GAREM1: variants seen among roughly 807,000 people sequenced by gnomAD.
GAREM1 encodes GRB2-associated and regulator of MAPK protein 1.
GAREM1 carries 26 observed loss-of-function variants against 71.3 expected under a neutral mutation model. The ratio of observed to expected loss-of-function variants is 0.36; its 90% CI spans 0.27 to 0.51. The LOEUF is 0.51. GAREM1 is among the 20% of genes least tolerant of loss of function. GAREM1 has a pLI of 0.95. For missense variants in GAREM1, 1,026 were observed against 1,103.1 expected (o/e 0.93, Z 0.99); for synonymous variants, 440 against 433.2 (o/e 1.02, Z -0.20).
At chr18:32,457,226 A>AGAGAGT (rs1555648709) in intron 1 of GAREM1, among the ~76,000 whole-genome samples, 48 of 81,978 alleles carry the variant, frequency 5.9e-4, no homozygotes, top group African/African-American at 1.9e-3. Flanking sequence ...AGAGAGAGAG[A>AGAGAGT]GTGTGTGTGT....
At chr18:32,360,497 T>C (rs2047855312) in intron 2 of GAREM1, among the ~76,000 whole-genome samples, 1 of 152,098 alleles carries the variant, frequency 6.6e-6, no homozygotes, top group African/African-American at 2.4e-5. Flanking sequence ...CGTGGTCACC[T>C]GGGAAGCCTA....
intron 4 of GAREM1, among the ~76,000 whole-genome samples, chr18:32,277,672 T>C (rs920547721): frequency 2.6e-5 from 4 of 152,224 alleles, no homozygotes; most frequent in African/African-American, 9.6e-5. Flanking sequence ...TCCTGAGTCC[T>C]GGAATAGACA....
At chr18:32,460,510 TG>T (rs1483579373) in intron 1 of GAREM1, among the ~76,000 whole-genome samples, 9 of 152,202 alleles carry the variant, frequency 5.9e-5, no homozygotes, top group Non-Finnish European at 1.3e-4. Flanking sequence ...GAAAGGAGCT[TG>T]GGAACACTGT....
intron 2 of GAREM1, among the ~76,000 whole-genome samples, chr18:32,311,787 C>T (rs1001044675): frequency 1.3e-5 from 2 of 152,216 alleles, no homozygotes; most frequent in Non-Finnish European, 2.9e-5. Flanking sequence ...CTGTATATGC[C>T]TTTTAAGGAG....
At chr18:32,384,182 G>A (rs2048123248) in intron 2 of GAREM1, among the ~76,000 whole-genome samples, 1 of 152,178 alleles carries the variant, frequency 6.6e-6, no homozygotes, top group Non-Finnish European at 1.5e-5. Context: ...ACAGCTGGGA[G>A]CAATCAGGTT....
chr18:32,350,534 C>G (rs1567974966), intron 2 of GAREM1, among the ~76,000 whole-genome samples: 1 of 152,076 alleles, frequency 6.6e-6, no homozygotes, highest in Non-Finnish European at 1.5e-5. Context: ...CATTTCTACT[C>G]AAACTTATGA....
chr18:32,456,834 A>C (rs2048894379), intron 1 of GAREM1, among the ~76,000 whole-genome samples: 1 of 152,144 alleles, frequency 6.6e-6, no homozygotes, highest in African/African-American at 2.4e-5. Context: ...GTATTTTCAC[A>C]TCACGGAATA....
chr18:32,350,930 T>G (rs540837674), intron 2 of GAREM1, among the ~76,000 whole-genome samples: 1 of 152,302 alleles, frequency 6.6e-6, no homozygotes, highest in African/African-American at 2.4e-5. Context: ...ATACAGTATG[T>G]TTTTAAATGG....
Position 32,310,291 on chromosome 18 carries a change from T to C in GAREM1, c.295A>G (p.Ile99Val), listed in dbSNP as rs1343464484. Residue 99 changes from isoleucine (I) to valine (V), a missense_variant, in exon 3 of 6, where the codon ATA (isoleucine) becomes GTA (valine). Physicochemically the swap from Ile to Val is conservative, Grantham distance 29 (BLOSUM62 3). Around this residue, in one of 3 missense-constraint regions of GAREM1, gnomAD observed 172 missense variants for 175.2 expected, o/e 0.98. Transcript: ENST00000269209. ...QFKLLEQDRD[I>V]KEPVQYFNSV... Reference sequence around the variant, plus strand: ...TTGAAATATTGCACTGGCTCCTTTATATCTCGGTCTTGTTCCAGCAGCTTG... The same window carrying C: ...TTGAAATATTGCACTGGCTCCTTTACATCTCGGTCTTGTTCCAGCAGCTTG... The C allele has an allele frequency of 6.2e-7, 1 of 1,614,192 alleles. No individual in the cohort carries two copies. The highest frequency in any genetic ancestry group is 1.1e-5 in the South Asian group (1 of 91,080).
chr18:32,271,980 T>C (rs2041469504), intron 4 of GAREM1, among the ~76,000 whole-genome samples: 1 of 152,248 alleles, frequency 6.6e-6, no homozygotes. Flanking sequence ...TCAAAAATGC[T>C]ATGCTTTGAA....
chr18:32,355,620 A>T (rs1307216325), intron 2 of GAREM1, among the ~76,000 whole-genome samples: 1 of 152,218 alleles, frequency 6.6e-6, no homozygotes, highest in Non-Finnish European at 1.5e-5. Flanking sequence ...ATTAAAAATT[A>T]CCAATTTCAG....
At chr18:32,274,214 G>A (rs1030553342) in intron 4 of GAREM1, among the ~76,000 whole-genome samples, 1 of 152,206 alleles carries the variant, frequency 6.6e-6, no homozygotes, top group African/African-American at 2.4e-5. Flanking sequence ...GGATTCAGAA[G>A]TGACAGAGTG....
Position 32,287,296 on chromosome 18 carries a change from A to G in GAREM1, c.1301T>C (p.Leu434Pro), listed in dbSNP as rs890543571. ...TGATTCTTCACTAGCTTCTGGGAAAAGGTAGTCGCTCCCACTATCTCCAGA... is the reference window on the plus strand; with the variant it reads ...TGATTCTTCACTAGCTTCTGGGAAAGGGTAGTCGCTCCCACTATCTCCAGA... ...QDSGDSGSDY[L>P]FPEASEESAG... The change falls in exon 4 of 6, where the codon CTT (leucine) becomes CCT (proline). Residue 434 changes from leucine to proline, a missense_variant. Physicochemically the swap from Leu to Pro is moderately conservative, Grantham distance 98. Transcript: ENST00000269209. This position sits in a 1 kb window ranked among gnomAD's most constrained non-coding sequence, Gnocchi z 5.9. The G allele has an allele frequency of 4.3e-6, 7 of 1,614,050 alleles. No individual in the cohort carries two copies. The African/African-American group carries it at 9.3e-5, about 22-fold the overall frequency.
intron 1 of GAREM1, among the ~76,000 whole-genome samples, chr18:32,415,987 C>T (rs1466121424): frequency 2.0e-5 from 3 of 151,854 alleles, no homozygotes; most frequent in South Asian, 2.1e-4. Flanking sequence ...AAGGCTCCAC[C>T]AAAAAATTAT....
rs1042768055 is a variant in GAREM1, at chr18:32,297,355, C to A, written c.394-9152G>T. On this transcript the variant is annotated intron_variant, in intron 3 of 5. Transcript: ENST00000269209. ...TAGGTTCCTCACCTATAAAATGGAA[C>A]ATCACCATCTATTTTGCAGGCTAAG... is the stretch of plus-strand genomic sequence containing the variant. Among the ~76,000 whole-genome samples, 3 of 152,304 alleles carry A rather than the reference C, an allele frequency of 2.0e-5. No individual in the cohort carries two copies. The East Asian group carries it at 5.8e-4, about 29-fold the overall frequency.
intron 2 of GAREM1, among the ~76,000 whole-genome samples, chr18:32,370,485 TC>T (rs1490951609): frequency 6.6e-6 from 1 of 151,596 alleles, no homozygotes; most frequent in Non-Finnish European, 1.5e-5. Flanking sequence ...ATATTTACAA[TC>T]ATGTTTTGCT....
chr18:32,428,262 G>A (rs2048592933), intron 1 of GAREM1, among the ~76,000 whole-genome samples: 1 of 152,190 alleles, frequency 6.6e-6, no homozygotes, highest in Non-Finnish European at 1.5e-5. Context: ...ACATGGTATT[G>A]TAAGAGACAA....
intron 2 of GAREM1, among the ~76,000 whole-genome samples, chr18:32,373,661 C>T (rs1235877151): frequency 2.0e-5 from 3 of 152,284 alleles, no homozygotes; most frequent in East Asian, 1.9e-4. Context: ...CCGCTCCAGC[C>T]GCCCACAAGC....
intron 1 of GAREM1, chr18:32,412,444 T>A: frequency 1.3e-6 from 2 of 1,589,436 alleles, no homozygotes; most frequent in Non-Finnish European, 1.7e-6. Context: ...CCAAATCCAT[T>A]AGAGCCATCC....
Sources: allele counts gnomAD v4.1 joint callset (sites outside exome capture counted in the v4.1 genomes callset), GRCh38; gene constraint gnomAD v4.1.1; regional missense constraint gnomAD v4.1.1; non-coding constraint Gnocchi (gnomAD v3.1); transcripts MANE v1.5; gene names NCBI Gene and HGNC (gene_info 2026-07-23, HGNC 2026-07-21).